The following DNMBP variants were observed in gnomAD, a reference collection of about 807,000 sequenced individuals.
DNMBP encodes dynamin binding protein.
DNMBP carries 87 observed loss-of-function variants against 150.0 expected under a neutral mutation model. The observed-to-expected ratio is 0.58, with a 90% CI of 0.49 to 0.69. The LOEUF (loss-of-function observed/expected upper bound fraction) is 0.69. Ranked by LOEUF, DNMBP falls within the 30% of genes least tolerant of loss-of-function variation. DNMBP has a pLI of 0.00. For synonymous variants in DNMBP, 711 were observed against 750.4 expected, an observed-to-expected ratio of 0.95 and a Z score of 0.86; for missense variants, 1,774 against 1,949.0, an observed-to-expected ratio of 0.91 and a Z score of 1.69.
In DNMBP at chr10:99,904,240, G is replaced by A. The variant is rs771794960; in HGVS notation, c.2554+3755C>T. Among the ~76,000 whole-genome samples, 9 of 151,900 alleles carry A rather than the reference G, an allele frequency of 5.9e-5. No individual in the cohort carries two copies. The South Asian group carries it at 6.2e-4, about 11-fold the overall frequency. On this transcript the variant is annotated intron_variant, in intron 6 of 16. Coordinates refer to ENST00000324109, the MANE Select transcript of DNMBP (RefSeq NM_015221.4). ...GCTACACCCCAGCTTGGGAAATAGC[G>A]TGAGACTGTCTCGAAAAAAAAAGGA...
chr10:99,907,930 C>G, intron 6 of DNMBP, 65 bp downstream of exon 6: 6 of 1,203,508 alleles, frequency 5.0e-6, no homozygotes, highest in Non-Finnish European at 7.4e-6. Flanking sequence ...ATCAGGAAGG[C>G]CACTTACTCC....
intron 1 of DNMBP, among the ~76,000 whole-genome samples, chr10:99,983,395 C>T (rs1041574491): frequency 6.6e-5 from 10 of 152,144 alleles, no homozygotes; most frequent in African/African-American, 2.4e-4. Context: ...AAAATGAAGT[C>T]TAAATCTGCT....
intron 4 of DNMBP, among the ~76,000 whole-genome samples, chr10:99,916,602 C>G (rs911148702): frequency 6.6e-6 from 1 of 151,390 alleles, no homozygotes; most frequent in South Asian, 2.1e-4. Flanking sequence ...AAGTTAAAAT[C>G]GAGGGCAAAG....
chr10:99,896,416 A>G lies in DNMBP; in HGVS notation c.2921-19T>C. On this transcript the variant is annotated intron_variant, in intron 9 of 16. Transcript: ENST00000324109. The stretch of plus-strand genomic sequence containing the variant: ...TTGAGGACTAGGGAGTAAGTCAGAA[A>G]AGCACTTTCCTCAGCATGGGCATAC... The G allele has an allele frequency of 6.2e-7, 1 of 1,614,004 alleles. No individual in the cohort carries two copies. The highest frequency in any genetic ancestry group is 8.5e-7 in the Non-Finnish European group (1 of 1,179,900).
At chr10:99,976,570 T>G (rs991540111) in intron 1 of DNMBP, among the ~76,000 whole-genome samples, 2 of 152,190 alleles carry the variant, frequency 1.3e-5, no homozygotes, top group African/African-American at 4.8e-5. Context: ...ACCAAAATTA[T>G]GTAAAGTTCC....
At chr10:99,890,035 C>T (rs1356121791) in intron 11 of DNMBP, among the ~76,000 whole-genome samples, 1 of 152,166 alleles carries the variant, frequency 6.6e-6, no homozygotes, top group African/African-American at 2.4e-5. Flanking sequence ...ACCATCAGTG[C>T]CTCATACATT....
chr10:99,880,533 G>A (rs1792238403), intron 15 of DNMBP, among the ~76,000 whole-genome samples, 172 bp from the exon 16 acceptor site: 1 of 152,208 alleles, frequency 6.6e-6, no homozygotes, highest in South Asian at 2.1e-4. Context: ...AATGCCTAGT[G>A]ACAAAGCGGC....
At chr10:99,993,832 A>T (rs973952739) in intron 1 of DNMBP, among the ~76,000 whole-genome samples, 17 of 152,178 alleles carry the variant, frequency 1.1e-4, no homozygotes, top group African/African-American at 4.1e-4. Context: ...GAAAAAAAAT[A>T]GAGAAGGCAT....
chr10:100,006,121 T>A (rs2041068639), intron 1 of DNMBP, among the ~76,000 whole-genome samples: 1 of 152,170 alleles, frequency 6.6e-6, no homozygotes. Context: ...CCTTTTTCAA[T>A]CAGGAAGGGA....
rs147259475 is a variant in DNMBP, at chr10:99,899,918, C to A, written c.2702+1G>T. 1.6e-5 allele frequency: 26 copies of A among 1,614,022 alleles called. No homozygotes were observed. Among genetic ancestry groups the A allele is most frequent in the Non-Finnish European group, 2.0e-5 (24 of 1,180,030 alleles). ...GGAAGTTAAGTGGTCAAAACTCCTA[C>A]TTCAGATCTGCCAAGGAGTCCTGAA... On this transcript the variant is annotated splice_donor_variant, in intron 7 of 16. Coordinates refer to ENST00000324109, the MANE Select transcript of DNMBP (RefSeq NM_015221.4). LOFTEE classifies it high-confidence loss of function.
intron 4 of DNMBP, chr10:99,930,187 C>T (rs1032036531): frequency 1.0e-5 from 7 of 702,804 alleles, no homozygotes; most frequent in Admixed American, 2.0e-5. Flanking sequence ...AAATTAGTTG[C>T]CCAACAATCC....
intron 1 of DNMBP, among the ~76,000 whole-genome samples, chr10:99,986,529 T>G (rs2040828602): frequency 7.3e-6 from 1 of 136,274 alleles, no homozygotes; most frequent in Non-Finnish European, 1.5e-5. Context: ...GATATAAAAC[T>G]GCAAGGCGTG....
At chr10:99,880,500 C>T in intron 15 of DNMBP, 139 bp from the exon 16 acceptor site, 2 of 1,192,900 alleles carry the variant, frequency 1.7e-6, no homozygotes, top group Non-Finnish European at 2.3e-6. Context: ...AAAGCCAGGC[C>T]AATAGTGAGA....
intron 16 of DNMBP, among the ~76,000 whole-genome samples, chr10:99,877,552 A>G (rs887383268): frequency 1.3e-5 from 2 of 152,106 alleles, no homozygotes; most frequent in Admixed American, 6.5e-5. Flanking sequence ...GGCTACCATA[A>G]TAGGGATGAT....
At chr10:99,924,981 A>G (rs2040062079) in intron 4 of DNMBP, among the ~76,000 whole-genome samples, 1 of 152,062 alleles carries the variant, frequency 6.6e-6, no homozygotes, top group Admixed American at 6.5e-5. Context: ...TCCCTGTCAT[A>G]TGCTCTGTGC....
chr10:100,003,279 G>A (rs764375055), intron 1 of DNMBP, among the ~76,000 whole-genome samples: 7 of 152,176 alleles, frequency 4.6e-5, no homozygotes, highest in African/African-American at 7.2e-5. Flanking sequence ...CCTGGGAGGC[G>A]GAGGTTACAG....
At chr10:99,915,128 T>TACAC (rs1554863109) in intron 4 of DNMBP, among the ~76,000 whole-genome samples, 87 of 126,126 alleles carry the variant, frequency 6.9e-4, no homozygotes, top group African/African-American at 2.6e-3. Flanking sequence ...TATATATATA[T>TACAC]ACACACACAC....
At chr10:99,947,429 A>C (rs1490809456) in intron 4 of DNMBP, among the ~76,000 whole-genome samples, 2 of 152,224 alleles carry the variant, frequency 1.3e-5, no homozygotes, top group Non-Finnish European at 2.9e-5. Flanking sequence ...ATGCAGCTGG[A>C]GGCCAGTATC....
intron 1 of DNMBP, among the ~76,000 whole-genome samples, chr10:99,999,546 T>C (rs1303506570): frequency 6.6e-6 from 1 of 152,214 alleles, no homozygotes; most frequent in Non-Finnish European, 1.5e-5. Context: ...TCAACTGCAG[T>C]CTAAAAATAG....
Sources: allele counts gnomAD v4.1 joint callset (sites outside exome capture counted in the v4.1 genomes callset), GRCh38; gene constraint gnomAD v4.1.1; transcripts MANE v1.5; gene names NCBI Gene and HGNC (gene_info 2026-07-23, HGNC 2026-07-21).